TEX101: variants seen among roughly 807,000 people sequenced by gnomAD.
TEX101 encodes the protein testis expressed 101, also known as testis-expressed protein 101.
A neutral mutation model predicts 18.1 loss-of-function variants in TEX101; 10 were observed. The ratio of observed to expected loss-of-function variants is 0.55; its 90% confidence interval spans 0.34 to 0.94. The LOEUF (loss-of-function observed/expected upper bound fraction) is 0.94. Ranked by LOEUF, TEX101 falls within the 40% of genes least tolerant of loss-of-function variation. The pLI is 0.02. For missense variants in TEX101, 259 were observed against 298.9 expected (o/e 0.87, Z 0.98); for synonymous variants, 94 against 114.8 (o/e 0.82, Z 1.16).
the TEX101 span, among the ~76,000 whole-genome samples, chr19:43,391,602 G>A: frequency 6.6e-6 from 1 of 152,018 alleles, no homozygotes; most frequent in Non-Finnish European, 1.5e-5. Flanking sequence ...GCATTGTTCT[G>A]CTTCTTGTTT....
upstream of TEX101, among the ~76,000 whole-genome samples, chr19:43,411,576 G>A (rs1421618570): frequency 3.9e-5 from 6 of 152,092 alleles, no homozygotes; most frequent in East Asian, 7.7e-4. Flanking sequence ...TTTTACAAAC[G>A]TTCCATGGAT....
At chr19:43,388,971 C>T in the TEX101 span, among the ~76,000 whole-genome samples, 1 of 152,118 alleles carries the variant, frequency 6.6e-6, no homozygotes, top group East Asian at 1.9e-4. Flanking sequence ...TCCTCCCGGG[C>T]CCTGCCTCTC....
intron 3 of TEX101, among the ~76,000 whole-genome samples, chr19:43,407,489 A>C (rs1394506532): frequency 6.6e-6 from 1 of 152,088 alleles, no homozygotes; most frequent in East Asian, 1.9e-4. Context: ...TCGTCAAAAA[A>C]AAAAAAAAGG....
Position 43,415,866 on chromosome 19 carries a change from C to T in TEX101, c.-39-15C>T. On this transcript the variant is annotated splice_polypyrimidine_tract_variant and intron_variant, in intron 1 of 5. Coordinates refer to ENST00000598265, the MANE Select transcript of TEX101 (RefSeq NM_001130011.3). ...GGCTGAAAAGTTAATTGCCTTCTCTCCATCAAATTCACAGATCCAGACCAG... is the reference window on the plus strand; with the variant it reads ...GGCTGAAAAGTTAATTGCCTTCTCTTCATCAAATTCACAGATCCAGACCAG... 6.2e-7 allele frequency: 1 copy of T among 1,611,494 alleles called. No homozygotes were observed. Among genetic ancestry groups the T allele is most frequent in the Non-Finnish European group, 8.5e-7 (1 of 1,177,914 alleles).
rs1165927374 is a variant in TEX101, at chr19:43,408,298, A to G, written c.15+1779A>G. ...CTTCTCCTCGTTCTGCCCGGGCTCG[A>G]CCAGGGGCTAGATCGGGGTTCGGGG... On this transcript the variant is annotated intron_variant, in intron 3 of 7. Transcript: ENST00000602198. Among the ~76,000 whole-genome samples, 3 of 146,330 alleles carry G rather than the reference A, an allele frequency of 2.1e-5. No homozygotes were observed. The South Asian group carries it at 6.9e-4, about 34-fold the overall frequency.
intron 2 of TEX101, among the ~76,000 whole-genome samples, chr19:43,404,409 A>G (rs557991023): frequency 1.8e-4 from 28 of 152,254 alleles, no homozygotes; most frequent in African/African-American, 6.3e-4. Flanking sequence ...TATCTATATT[A>G]TATTACATAT....
chr19:43,389,895 G>T, the TEX101 span, among the ~76,000 whole-genome samples: 1 of 152,092 alleles, frequency 6.6e-6, no homozygotes, highest in Admixed American at 6.5e-5. Context: ...CTCCTTGAAT[G>T]AATACAGTTG....
At chr19:43,416,642 A>T in intron 4 of TEX101, 87 bp downstream of exon 4, 2 of 1,402,506 alleles carry the variant, frequency 1.4e-6, no homozygotes, top group Middle Eastern at 3.9e-4. Flanking sequence ...GACTTGGCTT[A>T]GCCTAAGTGG....
chr19:43,393,074 G>GGGAAGGAAGGAA, the TEX101 span, among the ~76,000 whole-genome samples: 3,889 of 129,474 alleles, frequency 0.03, 126 homozygotes, highest in Middle Eastern at 0.076. Context: ...AAAGAAAGAA[G>GGGAAGGAAGGAA]GGAAGGAAGG....
At chr19:43,400,857 G>A (rs1391264959), upstream of TEX101, among the ~76,000 whole-genome samples, 1 of 151,860 alleles carries the variant, frequency 6.6e-6, no homozygotes, top group Non-Finnish European at 1.5e-5. Flanking sequence ...CCTCCTATAG[G>A]TGAATCAGTT....
upstream of TEX101, among the ~76,000 whole-genome samples, chr19:43,413,068 G>C (rs1015802136): frequency 6.6e-6 from 1 of 152,206 alleles, no homozygotes; most frequent in Non-Finnish European, 1.5e-5. Context: ...TGTGTTATCT[G>C]TAAGTTCCAG....
chr19:43,397,030 G>A (rs1249448656), upstream of TEX101, among the ~76,000 whole-genome samples: 2 of 146,406 alleles, frequency 1.4e-5, no homozygotes, highest in Admixed American at 6.9e-5. Context: ...TAGAGACGGG[G>A]TTTCACCATG....
At chr19:43,388,644 G>A in the TEX101 span, among the ~76,000 whole-genome samples, 14 of 152,142 alleles carry the variant, frequency 9.2e-5, no homozygotes, top group African/African-American at 3.4e-4. Context: ...AAATGGTGCC[G>A]TTGAGTCCTC....
At chr19:43,399,258 A>T (rs1970299468), upstream of TEX101, among the ~76,000 whole-genome samples, 1 of 152,198 alleles carries the variant, frequency 6.6e-6, no homozygotes, top group South Asian at 2.1e-4. Context: ...ATATTGGATT[A>T]TATCAAGTTG....
intron 3 of TEX101, among the ~76,000 whole-genome samples, chr19:43,407,842 A>T (rs2122329218): frequency 6.6e-6 from 1 of 152,284 alleles, no homozygotes; most frequent in South Asian, 2.1e-4. Context: ...GTCTTGGGAA[A>T]CCGGCAGTGG....
At chr19:43,408,312 C>A (rs979429752) in intron 3 of TEX101, among the ~76,000 whole-genome samples, 1 of 131,770 alleles carries the variant, frequency 7.6e-6, no homozygotes, top group African/African-American at 2.8e-5. Context: ...GGGGCTAGAT[C>A]GGGGTTCGGG....
At chr19:43,402,397 G>C (rs1970325486) in intron 1 of TEX101, among the ~76,000 whole-genome samples, 1 of 152,198 alleles carries the variant, frequency 6.6e-6, no homozygotes, top group Non-Finnish European at 1.5e-5. Context: ...AATGGCACCA[G>C]TCAAAAGAGT....
At chr19:43,412,399 G>A (rs986563842), upstream of TEX101, among the ~76,000 whole-genome samples, 1 of 152,174 alleles carries the variant, frequency 6.6e-6, no homozygotes, top group Admixed American at 6.5e-5. Context: ...CCACCAGGTC[G>A]CATCTCCAAC....
At chr19:43,401,776 C>T (rs756168969) in intron 1 of TEX101, among the ~76,000 whole-genome samples, 17 of 152,042 alleles carry the variant, frequency 1.1e-4, no homozygotes, top group Non-Finnish European at 2.1e-4. Context: ...TAGCTTGAAC[C>T]CGGGAGGCGG....
Sources: allele counts gnomAD v4.1 joint callset (sites outside exome capture counted in the v4.1 genomes callset), GRCh38; gene constraint gnomAD v4.1.1; transcripts MANE v1.5; gene names NCBI Gene and HGNC (gene_info 2026-07-23, HGNC 2026-07-21).